Variants in EYS observed in about 807,000 individuals in gnomAD.
EYS encodes EGF-like photoreceptor maintenance factor, also known as protein eyes shut homolog.
Under a neutral mutation model 282.1 loss-of-function variants are expected in EYS, and 250 were observed. That is an observed-to-expected ratio of 0.89 (90% confidence interval 0.80 to 0.98). The LOEUF is 0.98. EYS is among the 50% of genes least tolerant of loss of function. The pLI, the probability that EYS is intolerant of heterozygous loss-of-function variation, is 0.00. For missense variants in EYS, 4,016 were observed against 3,709.0 expected, an observed-to-expected ratio of 1.08 and a Z score of -2.15; for synonymous variants, 1,355 against 1,282.9, an observed-to-expected ratio of 1.06 and a Z score of -1.20.
intron 33 of EYS, among the ~76,000 whole-genome samples, chr6:64,046,610 C>T (rs1770634995): frequency 6.6e-6 from 1 of 151,424 alleles, no homozygotes; most frequent in African/African-American, 2.4e-5. Flanking sequence ...GAGGGAGAAA[C>T]AGTGTCCTGG....
At chr6:64,139,967 CAATAAATAAATAAATAAATA>C (rs68103337) in intron 31 of EYS, among the ~76,000 whole-genome samples, 62 of 143,752 alleles carry the variant, frequency 4.3e-4, no homozygotes, top group African/African-American at 1.4e-3. Context: ...GATTCTGTCT[CAATAAATAAATAAATAAATA>C]AATAAATAAA....
At chr6:64,202,147 T>A (rs959710445) in intron 31 of EYS, among the ~76,000 whole-genome samples, 6 of 152,080 alleles carry the variant, frequency 3.9e-5, no homozygotes, top group Admixed American at 2.0e-4. Context: ...ACCTTAGGAG[T>A]CTTCGCAGAC....
At chr6:65,242,504 T>C (rs970317579) in intron 12 of EYS, among the ~76,000 whole-genome samples, 7 of 152,222 alleles carry the variant, frequency 4.6e-5, no homozygotes, top group Middle Eastern at 3.4e-3. Flanking sequence ...ATGTAACATA[T>C]TTCATTTATC....
intron 22 of EYS, among the ~76,000 whole-genome samples, chr6:64,785,369 T>C (rs1363992298): frequency 6.6e-6 from 1 of 152,164 alleles, no homozygotes; most frequent in Non-Finnish European, 1.5e-5. Context: ...GAAATGAATA[T>C]AGCCAAATCT....
chr6:64,449,287 G>A (rs150018594), intron 26 of EYS, among the ~76,000 whole-genome samples: 1 of 152,038 alleles, frequency 6.6e-6, no homozygotes, highest in African/African-American at 2.4e-5. Context: ...GAAATGAAGT[G>A]TGAAGAAAAG....
At chr6:65,316,616 G>A (rs1769301749) in intron 11 of EYS, among the ~76,000 whole-genome samples, 1 of 148,958 alleles carries the variant, frequency 6.7e-6, no homozygotes, top group Non-Finnish European at 1.5e-5. Context: ...TTCTCCTAAT[G>A]CTATCCCTCC....
chr6:63,959,864 G>C (rs1017087153), intron 35 of EYS, among the ~76,000 whole-genome samples: 1 of 151,994 alleles, frequency 6.6e-6, no homozygotes, highest in Non-Finnish European at 1.5e-5. Flanking sequence ...GTAGGGGAGT[G>C]GGGGGTAAGG....
At chr6:63,998,084 T>C (rs1024964583) in intron 34 of EYS, among the ~76,000 whole-genome samples, 3 of 152,140 alleles carry the variant, frequency 2.0e-5, no homozygotes, top group Non-Finnish European at 4.4e-5. Context: ...TTGGCTGCAG[T>C]AGCAAATGAA....
At chr6:65,501,264 C>CA (rs1339298293) in intron 2 of EYS, among the ~76,000 whole-genome samples, 1 of 151,736 alleles carries the variant, frequency 6.6e-6, no homozygotes, top group African/African-American at 2.4e-5. Flanking sequence ...GAGGTGTATG[C>CA]AGCCTTCATC....
At chr6:63,910,417 T>C (rs1347513791) in intron 35 of EYS, among the ~76,000 whole-genome samples, 1 of 152,220 alleles carries the variant, frequency 6.6e-6, no homozygotes, top group Non-Finnish European at 1.5e-5. Flanking sequence ...TGGAATTCTG[T>C]GTACCGAAAG....
intron 29 of EYS, among the ~76,000 whole-genome samples, chr6:64,312,324 C>G (rs967835391): frequency 6.6e-6 from 1 of 152,150 alleles, no homozygotes; most frequent in Non-Finnish European, 1.5e-5. Context: ...CAGACTGCAT[C>G]TCTAGATTCC....
chr6:64,680,871 C>T (rs1315576024), intron 22 of EYS, among the ~76,000 whole-genome samples: 2 of 152,144 alleles, frequency 1.3e-5, no homozygotes, highest in Non-Finnish European at 2.9e-5. Flanking sequence ...CCCAAACCCT[C>T]TCCAAGAAAC....
chr6:64,353,205 T>C (rs1278591295), intron 29 of EYS, among the ~76,000 whole-genome samples: 3 of 151,514 alleles, frequency 2.0e-5, no homozygotes, highest in Non-Finnish European at 4.4e-5. Context: ...TAATATTATA[T>C]TGGTGGTATT....
At chr6:65,007,426 AG>A (rs965735726) in intron 13 of EYS, among the ~76,000 whole-genome samples, 1 of 152,168 alleles carries the variant, frequency 6.6e-6, no homozygotes, top group African/African-American at 2.4e-5. Flanking sequence ...ACCCTCTTCA[AG>A]GGGGGAGAAA....
intron 41 of EYS, among the ~76,000 whole-genome samples, chr6:63,759,782 T>G (rs1769586335): frequency 6.6e-6 from 1 of 152,122 alleles, no homozygotes; most frequent in African/African-American, 2.4e-5. Context: ...AACACAGTAA[T>G]AATTCCTGAC....
At chr6:64,674,796 A>G (rs961814059) in intron 22 of EYS, among the ~76,000 whole-genome samples, 1 of 151,858 alleles carries the variant, frequency 6.6e-6, no homozygotes, top group Non-Finnish European at 1.5e-5. Context: ...ATACACACAC[A>G]TACATATACT....
intron 2 of EYS, among the ~76,000 whole-genome samples, chr6:65,507,662 T>A (rs1766706051): frequency 6.6e-6 from 1 of 152,150 alleles, no homozygotes; most frequent in Non-Finnish European, 1.5e-5. Context: ...TTGGGAAATT[T>A]CTGTTGATAT....
At chr6:64,527,394 G>C (rs1214549319) in intron 26 of EYS, among the ~76,000 whole-genome samples, 1 of 151,848 alleles carries the variant, frequency 6.6e-6, no homozygotes, top group Non-Finnish European at 1.5e-5. Context: ...AAGAGAAAAT[G>C]CCTGCATGTC....
rs141036286 is a variant in EYS at position 65,008,842 on chromosome 6, G to A, written c.2138-11139C>T. ...TTAACTGTCTCCTGGACACCGGTGC[G>A]GCCTTCTCAGTCTTACTCTCCTGTC... is the stretch of plus-strand genomic sequence containing the variant. On this transcript the variant is annotated intron_variant, in intron 13 of 42. Coordinates refer to ENST00000503581, the MANE Select transcript of EYS (RefSeq NM_001142800.2). Among the ~76,000 whole-genome samples, 30 of 152,188 alleles carry A rather than the reference G, an allele frequency of 2.0e-4. No individual in the cohort carries two copies. The East Asian group carries it at 3.1e-3, about 16-fold the overall frequency.
Sources: allele counts gnomAD v4.1 joint callset (sites outside exome capture counted in the v4.1 genomes callset), GRCh38; gene constraint gnomAD v4.1.1; transcripts MANE v1.5; gene names NCBI Gene and HGNC (gene_info 2026-07-23, HGNC 2026-07-21).